Variants in CCNB1 observed in about 807,000 individuals in gnomAD.
CCNB1 encodes the protein G2/mitotic-specific cyclin-B1.
A neutral mutation model predicts 44.4 loss-of-function variants in CCNB1; 26 were observed. That is an observed-to-expected ratio of 0.59 (90% confidence interval 0.43 to 0.81). CCNB1 has a LOEUF of 0.81. Ranked by LOEUF, CCNB1 falls within the 40% of genes least tolerant of loss-of-function variation. The probability of loss-of-function intolerance (pLI) is 0.00; values close to 1 mark genes in which losing one functional copy is unlikely to be tolerated. For synonymous variants in CCNB1, 195 were observed against 181.4 expected (o/e 1.08, Z -0.60); for missense variants, 477 against 520.9 (o/e 0.92, Z 0.82).
chr5:69,177,526 T>G lies in CCNB1; in HGVS notation c.1197T>G (p.Thr399=). The G allele has an allele frequency of 6.2e-7, 1 of 1,604,240 alleles. No homozygotes were observed. Among genetic ancestry groups the G allele is most frequent in the East Asian group, 2.2e-5 (1 of 44,794 alleles). ...ATTGCTATCTTTTTGTCTTCCAGAC[T>G]GTCAAGAACAAGTATGCCACATCGA... The part of the protein sequence containing the change: ...MVNQGLTKHM[T]VKNKYATSKH... The change falls in exon 9 of 9, where the codon ACT becomes ACG. Residue 399 remains threonine (T), a splice_region_variant and synonymous_variant. Transcript: ENST00000256442.
chr5:69,170,917 C>T (rs947306908), intron 3 of CCNB1, among the ~76,000 whole-genome samples: 2 of 152,084 alleles, frequency 1.3e-5, no homozygotes, highest in Non-Finnish European at 2.9e-5. Context: ...TATGCCCAAC[C>T]TCATTCTTTT....
chr5:69,170,141 A>T (rs968412831), intron 3 of CCNB1, among the ~76,000 whole-genome samples: 1 of 145,656 alleles, frequency 6.9e-6, no homozygotes, highest in Non-Finnish European at 1.5e-5. Context: ...TTTTTTTATT[A>T]TTTTTTTATT....
In CCNB1 at chr5:69,167,162, C is replaced by T. The variant is rs997641148; in HGVS notation, c.-101C>T. The T allele has an allele frequency of 3.1e-6, 3 of 971,172 alleles. No individual in the cohort carries two copies. The highest frequency in any genetic ancestry group is 4.5e-6 in the Non-Finnish European group (3 of 661,940). The allele number at this position is 971,172 out of a possible 1,614,324, so 60.2% of individuals were successfully genotyped here. A position where few individuals can be genotyped will look rare whatever the true frequency, so the allele number is the denominator to read the frequency against. Reference sequence around the variant, plus strand: ...GCTGGCTCTTCTCGGCGTGCTGCGGCGGAACGGCTGTTGGTTTCTGCTGGG... The same window carrying T: ...GCTGGCTCTTCTCGGCGTGCTGCGGTGGAACGGCTGTTGGTTTCTGCTGGG... On this transcript the variant is annotated 5_prime_UTR_variant, in exon 1 of 9. Coordinates refer to ENST00000256442, the MANE Select transcript of CCNB1 (RefSeq NM_031966.4).
chr5:69,169,070 T>C (rs1406725401), intron 3 of CCNB1, among the ~76,000 whole-genome samples: 1 of 152,124 alleles, frequency 6.6e-6, no homozygotes, highest in African/African-American at 2.4e-5. Flanking sequence ...TTGGGAAAAT[T>C]ATCTGAAAAA....
At chr5:69,176,868 AC>A (rs967603201) in intron 7 of CCNB1, among the ~76,000 whole-genome samples, 2 of 151,710 alleles carry the variant, frequency 1.3e-5, no homozygotes, top group African/African-American at 4.8e-5. Flanking sequence ...AATCCCAGCT[AC>A]TCAGGAGGCT....
chr5:69,176,230 T>G (rs1747586416), intron 7 of CCNB1, among the ~76,000 whole-genome samples: 1 of 151,360 alleles, frequency 6.6e-6, no homozygotes, highest in Non-Finnish European at 1.5e-5. Flanking sequence ...TTATTCCCTT[T>G]GAGAAAGGTA....
In CCNB1 at chr5:69,174,993, C is replaced by T. The variant is rs949182365; in HGVS notation, c.822C>T (p.Asp274=). ...TTGGTGACTTTGCTTTTGTGACTGA[C>T]AACACTTATACTAAGCACCAAATCA... is the stretch of plus-strand genomic sequence containing the variant. ...PEIGDFAFVT[D]NTYTKHQIRQ... The change falls in exon 6 of 9, where the codon GAC becomes GAT. Residue 274 remains aspartate (D), a synonymous_variant. Coordinates refer to ENST00000256442, the MANE Select transcript of CCNB1 (RefSeq NM_031966.4). The T allele has an allele frequency of 2.5e-6, 4 of 1,613,972 alleles. No individual in the cohort carries two copies. The highest frequency in any genetic ancestry group is 3.4e-6 in the Non-Finnish European group (4 of 1,179,988).
At chr5:69,170,570 C>G (rs1561313103) in intron 3 of CCNB1, among the ~76,000 whole-genome samples, 1 of 152,120 alleles carries the variant, frequency 6.6e-6, no homozygotes, top group Non-Finnish European at 1.5e-5. Context: ...AATTACTTCT[C>G]AGTTTCCTTT....
intron 5 of CCNB1, 111 bp downstream of exon 5, chr5:69,174,520 C>T (rs771579158): frequency 3.7e-5 from 37 of 986,826 alleles, no homozygotes; most frequent in Admixed American, 8.6e-5. Context: ...TCCCAGCGGG[C>T]GGGTGGATCA....
At position 69,168,014 on chromosome 5, in the gene CCNB1, C is replaced by T. The variant is rs777205019; in HGVS notation, c.128C>T (p.Thr43Ile). 1 of 1,614,246 alleles carries T rather than the reference C, an allele frequency of 6.2e-7. No homozygotes were observed. Among genetic ancestry groups the T allele is most frequent in the Non-Finnish European group, 8.5e-7 (1 of 1,180,042 alleles). ...ATSKPGLRPR[T>I]ALGDIGNKVS... ...TCCAAGCCCGGACTGAGGCCAAGAACAGCTCTTGGGGACATTGGTAACAAA... is the reference window on the plus strand; with the variant it reads ...TCCAAGCCCGGACTGAGGCCAAGAATAGCTCTTGGGGACATTGGTAACAAA... The change falls in exon 2 of 9, where the codon ACA becomes ATA. Residue 43 changes from threonine to isoleucine, a missense_variant. Physicochemically the swap from Thr to Ile is moderately conservative, Grantham distance 89. Transcript: ENST00000256442.
At chr5:69,177,152 T>C in intron 7 of CCNB1, 87 bp from the exon 8 acceptor site, 1 of 722,506 alleles carries the variant, frequency 1.4e-6, no homozygotes, top group Non-Finnish European at 2.4e-6. Context: ...CCATCTCTTT[T>C]CCACTCCTGA....
At chr5:69,169,968 AT>A (rs780279330) in intron 3 of CCNB1, among the ~76,000 whole-genome samples, 4 of 132,084 alleles carry the variant, frequency 3.0e-5, no homozygotes, top group Middle Eastern at 6.3e-3. Context: ...ATTTTTGTTT[AT>A]TTTTTTTTTC....
At chr5:69,174,647 G>A (rs2069435) in intron 5 of CCNB1, among the ~76,000 whole-genome samples, 11 of 152,014 alleles carry the variant, frequency 7.2e-5, no homozygotes, top group East Asian at 1.9e-4. Flanking sequence ...TACTGGAGGC[G>A]GAGGTTGCAG....
intron 3 of CCNB1, 107 bp from the exon 4 acceptor site, chr5:69,171,163 C>T (rs751898400): frequency 3.6e-5 from 25 of 700,248 alleles, no homozygotes; most frequent in East Asian, 5.3e-5. Context: ...AATTGTATGC[C>T]GATTCAGCAG....
chr5:69,173,572 C>T (rs1329399317), intron 4 of CCNB1, among the ~76,000 whole-genome samples: 1 of 152,066 alleles, frequency 6.6e-6, no homozygotes, highest in East Asian at 1.9e-4. Context: ...GTTCCAGCTG[C>T]CCTGGGAGTT....
chr5:69,170,165 T>C (rs1465147784), intron 3 of CCNB1, among the ~76,000 whole-genome samples: 1 of 151,392 alleles, frequency 6.6e-6, no homozygotes, highest in African/African-American at 2.4e-5. Flanking sequence ...TTATTTTTAG[T>C]AGAGATGGAG....
chr5:69,169,813 G>A (rs1011952899), intron 3 of CCNB1, among the ~76,000 whole-genome samples: 1 of 151,938 alleles, frequency 6.6e-6, no homozygotes, highest in African/African-American at 2.4e-5. Flanking sequence ...CACCATGCTT[G>A]GCTAATTTTT....
rs778143464 is a variant in CCNB1 at position 69,171,326 on chromosome 5, A to C, written c.420A>C (p.Glu140Asp). ...CATCTGGATGTGCCCCTGCAGAAGA[A>C]GACCTGTGTCAGGCTTTCTCTGATG... ...METSGCAPAE[E>D]DLCQAFSDVI... The change falls in exon 4 of 9, where the codon GAA (glutamate) becomes GAC (aspartate). Residue 140 changes from glutamate to aspartate, a missense_variant. Glu to Asp is a conservative substitution (Grantham distance 45). Transcript: ENST00000256442. The C allele has an allele frequency of 2.5e-6, 4 of 1,613,914 alleles. No homozygotes were observed. In the Admixed American group the frequency reaches 6.7e-5, roughly 27 times the overall value.
At chr5:69,167,351 G>T (rs1384325375) in intron 1 of CCNB1, 68 bp downstream of exon 1, 5 of 1,570,920 alleles carry the variant, frequency 3.2e-6, no homozygotes, top group Middle Eastern at 1.8e-4. Context: ...TGCCTCGCCT[G>T]CGGGAGCCTC....
Sources: gnomAD v4.1 joint callset for allele counts (sites outside exome capture counted in the v4.1 genomes callset) on GRCh38, gnomAD v4.1.1 for gene constraint, MANE v1.5 for transcripts, NCBI Gene and HGNC (gene_info 2026-07-23, HGNC 2026-07-21) for gene names.